Variants in KSR1 observed in about 807,000 individuals in gnomAD.
KSR1 encodes the protein kinase suppressor of ras 1, also known as kinase suppressor of ras.
KSR1 carries 35 observed loss-of-function variants against 92.9 expected under a neutral mutation model. The observed-to-expected ratio is 0.38, with a 90% CI of 0.29 to 0.50. KSR1 has a LOEUF of 0.50. Ranked by LOEUF, KSR1 falls within the 20% of genes least tolerant of loss-of-function variation. The pLI is 0.94. For missense variants in KSR1, 972 were observed against 1,158.5 expected (o/e 0.84, Z 2.34); for synonymous variants, 467 against 472.6 (o/e 0.99, Z 0.15).
intron 1 of KSR1, among the ~76,000 whole-genome samples, chr17:27,518,178 G>T (rs1047458225): frequency 6.6e-6 from 1 of 152,098 alleles, no homozygotes; most frequent in African/African-American, 2.4e-5. Flanking sequence ...AGTTGGCAAG[G>T]GGGGAGCTGG....
At chr17:27,604,223 T>C (rs992301015) in intron 12 of KSR1, among the ~76,000 whole-genome samples, 14 of 152,158 alleles carry the variant, frequency 9.2e-5, no homozygotes, top group African/African-American at 3.4e-4. Context: ...TTGACTCACA[T>C]TCCCGCATCT....
At chr17:27,584,392 A>G (rs2072891082) in intron 4 of KSR1, among the ~76,000 whole-genome samples, 1 of 152,148 alleles carries the variant, frequency 6.6e-6, no homozygotes, top group Non-Finnish European at 1.5e-5. Context: ...TATGCTGCCC[A>G]AGGAGGAGAG....
intron 9 of KSR1, among the ~76,000 whole-genome samples, chr17:27,597,066 C>G (rs530239800): frequency 1.3e-4 from 20 of 152,334 alleles, no homozygotes; most frequent in South Asian, 6.2e-4. Context: ...GAAAGCTGAG[C>G]AGGAGCCCCC....
rs1288981810 is a variant in KSR1, at chr17:27,592,586, A to T, written c.1259A>T (p.Glu420Val). The part of the protein sequence containing the change: ...DINNPVDRAA[E>V]PHFGTLPKAL... ...AACAACCCGGTGGACAGAGCAGCCG[A>T]ACCCCATTTTGGAACCCTCCCCAAA... The change falls in exon 9 of 21, where the codon GAA (glutamate) becomes GTA (valine). Residue 420 changes from glutamate (E) to valine (V), a missense_variant. Around this residue, in one of 5 missense-constraint regions of KSR1, gnomAD observed 611 missense variants for 668.0 expected, o/e 0.91. Coordinates refer to ENST00000644974, the MANE Select transcript of KSR1 (RefSeq NM_001394583.1). 6.2e-7 allele frequency: 1 copy of T among 1,613,962 alleles called. No homozygotes were observed. The highest frequency in any genetic ancestry group is 1.7e-5 in the Admixed American group (1 of 60,020).
intron 2 of KSR1, among the ~76,000 whole-genome samples, chr17:27,572,154 C>T (rs1331505612): frequency 6.6e-6 from 1 of 152,238 alleles, no homozygotes; most frequent in African/African-American, 2.4e-5. Flanking sequence ...TCAACTGGCC[C>T]TGCTCTCCAA....
chr17:27,596,221 G>A (rs1255949163), intron 9 of KSR1, among the ~76,000 whole-genome samples: 1 of 152,224 alleles, frequency 6.6e-6, no homozygotes, highest in Non-Finnish European at 1.5e-5. Context: ...CTTAAGGCTT[G>A]GAGCTTGAAG....
Position 27,604,688 on chromosome 17 carries a change from A to G in KSR1, c.1574A>G (p.Asp525Gly). Residue 525 changes from aspartate to glycine, a missense_variant, in exon 13 of 21, where the codon GAC (aspartate) becomes GGC (glycine). By Grantham distance (94) the Asp-to-Gly change is moderately conservative. Coordinates refer to ENST00000644974, the MANE Select transcript of KSR1 (RefSeq NM_001394583.1). Reference sequence around the variant, plus strand: ...ACCTTGTTTACTCTTAGGCTCGATGACCAGCCGAAAGCAGATGTGTTGGAA... The same window carrying G: ...ACCTTGTTTACTCTTAGGCTCGATGGCCAGCCGAAAGCAGATGTGTTGGAA... ...PEAADGTRLD[D>G]QPKADVLEAH... The G allele has an allele frequency of 6.2e-7, 1 of 1,613,990 alleles. No homozygotes were observed. Among genetic ancestry groups the G allele is most frequent in the Non-Finnish European group, 8.5e-7 (1 of 1,179,870 alleles).
In KSR1 at chr17:27,530,597, A is replaced by T. The variant is rs140320421; in HGVS notation, c.232-19971A>T. ...ACCTTTCTCCCTTTGCTAGAAGAGA[A>T]GCACCAGCACCCTCCCTTTTCCTCT... On this transcript the variant is annotated intron_variant, in intron 1 of 20. Coordinates refer to ENST00000644974, the MANE Select transcript of KSR1 (RefSeq NM_001394583.1). 1.5e-3 allele frequency among the ~76,000 whole-genome samples: 224 copies of T among 152,334 alleles called. 1 individual carries two copies. Among genetic ancestry groups the T allele is most frequent in the African/African-American group, 4.6e-3 (192 of 41,564 alleles).
intron 1 of KSR1, among the ~76,000 whole-genome samples, chr17:27,462,469 TC>T (rs1312560258): frequency 2.0e-5 from 3 of 152,292 alleles, no homozygotes; most frequent in African/African-American, 7.2e-5. Context: ...GCCTCAGGGT[TC>T]GGGCATGGGT....
intron 1 of KSR1, among the ~76,000 whole-genome samples, chr17:27,521,013 C>T (rs75640524): frequency 0.074 from 11,258 of 152,254 alleles, 556 homozygotes; most frequent in Non-Finnish European, 0.11. Context: ...GAATGGGGCC[C>T]GGTCCTCAAG....
At chr17:27,521,659 C>G (rs1464702724) in intron 1 of KSR1, among the ~76,000 whole-genome samples, 1 of 152,148 alleles carries the variant, frequency 6.6e-6, no homozygotes, top group Non-Finnish European at 1.5e-5. Context: ...TCTCAAACTC[C>G]CTAGGCTCAA....
At chr17:27,609,087 C>A in intron 15 of KSR1, 109 bp from the exon 16 acceptor site, 1 of 1,271,558 alleles carries the variant, frequency 7.9e-7, no homozygotes, top group South Asian at 1.5e-5. Context: ...GGACAATATA[C>A]TGCATGGAAT....
intron 4 of KSR1, among the ~76,000 whole-genome samples, chr17:27,584,256 G>T (rs1324822068): frequency 6.6e-6 from 1 of 152,146 alleles, no homozygotes; most frequent in Non-Finnish European, 1.5e-5. Flanking sequence ...TTTCTAGGGG[G>T]TTCCTTGGGC....
intron 2 of KSR1, among the ~76,000 whole-genome samples, chr17:27,553,764 A>G (rs959816966): frequency 2.0e-5 from 3 of 152,226 alleles, no homozygotes; most frequent in Non-Finnish European, 2.9e-5. Flanking sequence ...TAAAGCCCAG[A>G]AAGAAAAGGC....
At chr17:27,494,851 G>A (rs896580288) in intron 1 of KSR1, among the ~76,000 whole-genome samples, 2 of 152,236 alleles carry the variant, frequency 1.3e-5, no homozygotes, top group South Asian at 2.1e-4. Flanking sequence ...GACCCTGGCC[G>A]CTGACTCAGT....
Position 27,611,558 on chromosome 17 carries a change from A to C in KSR1, c.2422A>C (p.Ile808Leu). Reference sequence around the variant, plus strand: ...GAAGAACCAGGCTGCAGAGGCATCCATCTGGCAGATTGGAAGCGGGGAAGG... The same window carrying C: ...GAAGAACCAGGCTGCAGAGGCATCCCTCTGGCAGATTGGAAGCGGGGAAGG... ...PLKNQAAEAS[I>L]WQIGSGEGMK... Residue 808 changes from isoleucine to leucine, a missense_variant, in exon 18 of 21, where the codon ATC (isoleucine) becomes CTC (leucine). Transcript: ENST00000644974. The C allele has an allele frequency of 6.2e-7, 1 of 1,613,900 alleles. No homozygotes were observed. The highest frequency in any genetic ancestry group is 1.6e-4 in the Middle Eastern group (1 of 6,062).
rs372387797 is a variant in KSR1, at chr17:27,610,076, C to G, written c.2235C>G (p.Asn745Lys). 30 of 1,613,830 alleles carry G rather than the reference C, an allele frequency of 1.9e-5. No individual in the cohort carries two copies. The highest frequency in any genetic ancestry group is 2.2e-5 in the Non-Finnish European group (26 of 1,179,854). The change falls in exon 17 of 21, where the codon AAC becomes AAG. Residue 745 changes from asparagine to lysine, a missense_variant. Physicochemically the swap from Asn to Lys is moderately conservative, Grantham distance 94. Around this residue, in one of 5 missense-constraint regions of KSR1, gnomAD observed 260 missense variants for 375.2 expected, o/e 0.69. Coordinates refer to ENST00000644974, the MANE Select transcript of KSR1 (RefSeq NM_001394583.1). ...SGVVREGRRE[N>K]QLKLSHDWLC... Reference sequence around the variant, plus strand: ...GCTTCCTGGTCTCCAGGCGTGAGAACCAGCTAAAGCTGTCCCACGACTGGC... The same window carrying G: ...GCTTCCTGGTCTCCAGGCGTGAGAAGCAGCTAAAGCTGTCCCACGACTGGC...
intron 4 of KSR1, among the ~76,000 whole-genome samples, chr17:27,584,502 C>T (rs951082098): frequency 2.6e-5 from 4 of 152,190 alleles, no homozygotes; most frequent in African/African-American, 4.8e-5. Flanking sequence ...GATGGCCACA[C>T]GAACATGGGT....
At chr17:27,583,148 G>A in intron 4 of KSR1, 43 bp downstream of exon 4, 1 of 1,330,856 alleles carries the variant, frequency 7.5e-7, no homozygotes, top group Non-Finnish European at 1.0e-6. Flanking sequence ...GCCCTCTGTG[G>A]TTTTCTAATC....
Sources: gnomAD v4.1 joint callset for allele counts (sites outside exome capture counted in the v4.1 genomes callset) on GRCh38, gnomAD v4.1.1 for gene constraint, gnomAD v4.1.1 regional missense constraint, MANE v1.5 for transcripts, NCBI Gene and HGNC (gene_info 2026-07-23, HGNC 2026-07-21) for gene names.